SLC25A14: variants seen among roughly 807,000 people sequenced by gnomAD.
SLC25A14 encodes the protein solute carrier family 25 member 14, also known as brain mitochondrial carrier protein 1.
Under a neutral mutation model 28.1 loss-of-function variants are expected in SLC25A14, and 8 were observed. That is an observed-to-expected ratio of 0.28 (90% confidence interval 0.17 to 0.51). The LOEUF (loss-of-function observed/expected upper bound fraction) is 0.51, where lower values mean the gene tolerates loss of function less well. SLC25A14 is among the 20% of genes least tolerant of loss of function. SLC25A14 has a pLI of 0.97. For missense variants in SLC25A14, 135 were observed against 263.8 expected (o/e 0.51, Z 3.38); for synonymous variants, 74 against 90.6 (o/e 0.82, Z 1.04).
Position 130,373,037 on chromosome X carries a change from T to A in SLC25A14, c.*87T>A. 1 of 752,075 alleles carries A rather than the reference T, an allele frequency of 1.3e-6. No individual in the cohort carries two copies. Among genetic ancestry groups the A allele is most frequent in the Non-Finnish European group, 2.0e-6 (1 of 503,386 alleles). The allele number at this position is 752,075 out of a possible 1,213,427, so 62.0% of individuals were successfully genotyped here. ...GTTCTAATGTATTTTGACAATGTTG[T>A]AAGTGTTTACCAAGCCGTTGGTCTC... On this transcript the variant is annotated 3_prime_UTR_variant, in exon 11 of 11. Coordinates refer to ENST00000545805, the MANE Select transcript of SLC25A14 (RefSeq NM_001282195.2).
intron 2 of SLC25A14, among the ~76,000 whole-genome samples, chrX:130,343,873 C>A (rs1298985294): frequency 1.8e-5 from 2 of 111,899 alleles, no homozygotes; most frequent in East Asian, 2.8e-4. Flanking sequence ...ATTATTAGTT[C>A]CATTTTACAG....
chrX:130,372,900 ACTC>A lies in SLC25A14; in HGVS notation c.937-5_937-3del, dbSNP rs1175347758. ...TCAACCTGGTGATCTTCCTTGACTT[ACTC>A]CTCAGTTTTTTATTACATACGAGCA... On this transcript the variant is annotated splice_polypyrimidine_tract_variant and splice_region_variant and intron_variant, in intron 10 of 10. Coordinates refer to ENST00000545805, the MANE Select transcript of SLC25A14 (RefSeq NM_001282195.2). 6 of 1,163,545 alleles carry A rather than the reference ACTC, an allele frequency of 5.2e-6. No individual in the cohort carries two copies. In the South Asian group the frequency reaches 5.6e-5, roughly 11 times the overall value.
chrX:130,372,054 C>T (rs1305093669), intron 10 of SLC25A14, among the ~76,000 whole-genome samples: 1 of 112,029 alleles, frequency 8.9e-6, no homozygotes, highest in Non-Finnish European at 1.9e-5. Context: ...CACAGCCAAG[C>T]AGGCTTCTTT....
chrX:130,367,755 G>A (rs1355260914), intron 9 of SLC25A14, among the ~76,000 whole-genome samples: 1 of 112,290 alleles, frequency 8.9e-6, no homozygotes, highest in African/African-American at 3.2e-5. Flanking sequence ...AATTACTGGT[G>A]TAGAGGGAAG....
intron 2 of SLC25A14, among the ~76,000 whole-genome samples, chrX:130,341,914 T>C (rs2124742105): frequency 8.9e-6 from 1 of 111,986 alleles, no homozygotes; most frequent in African/African-American, 3.2e-5. Context: ...GATAGTGTCA[T>C]ACACAGGGTG....
At chrX:130,354,886 T>C (rs151103091) in intron 6 of SLC25A14, among the ~76,000 whole-genome samples, 90 of 112,236 alleles carry the variant, frequency 8.0e-4, no homozygotes, top group African/African-American at 2.5e-3. Flanking sequence ...GTCTGTATAG[T>C]TGAAGTTGGA....
chrX:130,357,683 C>T (rs1391291010), intron 6 of SLC25A14, among the ~76,000 whole-genome samples: 1 of 111,898 alleles, frequency 8.9e-6, no homozygotes, highest in African/African-American at 3.2e-5. Flanking sequence ...TTGTTGAAAC[C>T]TAGAATGGTA....
At position 130,365,019 on chromosome X, in the gene SLC25A14, C is replaced by T. The variant is rs977953511; in HGVS notation, c.719+267C>T. The stretch of plus-strand genomic sequence containing the variant: ...ATTTACATTTATCCATACATAGCTT[C>T]TATATCTAATAAGCACATCTATTAT... On this transcript the variant is annotated intron_variant, in intron 8 of 10. Coordinates refer to ENST00000545805, the MANE Select transcript of SLC25A14 (RefSeq NM_001282195.2). 5.0e-6 allele frequency: 4 copies of T among 803,114 alleles called. No individual in the cohort carries two copies. In the African/African-American group the frequency reaches 6.8e-5, roughly 14 times the overall value. The allele number at this position is 803,114 out of a possible 1,213,427, so 66.2% of individuals were successfully genotyped here.
chrX:130,349,001 T>C (rs1171901973), intron 4 of SLC25A14, among the ~76,000 whole-genome samples: 1 of 110,530 alleles, frequency 9.0e-6, no homozygotes, highest in Non-Finnish European at 1.9e-5. Flanking sequence ...ATTTTTCTTA[T>C]TGATTTCTGG....
At chrX:130,357,843 A>G (rs2033840429) in intron 6 of SLC25A14, among the ~76,000 whole-genome samples, 1 of 112,233 alleles carries the variant, frequency 8.9e-6, no homozygotes, top group Admixed American at 9.5e-5. Flanking sequence ...TGCAGCTCTC[A>G]AAGGCCACTT....
chrX:130,350,228 A>G lies in SLC25A14; in HGVS notation c.413-418A>G, dbSNP rs1315896582. Among the ~76,000 whole-genome samples, 23 of 111,812 alleles carry G rather than the reference A, an allele frequency of 2.1e-4. No individual in the cohort carries two copies. The Admixed American group carries it at 2.2e-3, about 11-fold the overall frequency. On this transcript the variant is annotated intron_variant, in intron 5 of 10. Coordinates refer to ENST00000545805, the MANE Select transcript of SLC25A14 (RefSeq NM_001282195.2). ...ATTAATATTCAAATAAGTTTTTTGT[A>G]TTAGACGTAAGATTTTCTCTTTTAA... is the stretch of plus-strand genomic sequence containing the variant.
intron 9 of SLC25A14, among the ~76,000 whole-genome samples, chrX:130,367,315 G>T (rs5977247): frequency 9.1e-6 from 1 of 110,298 alleles, no homozygotes; most frequent in African/African-American, 3.3e-5. Flanking sequence ...GGATGTGGAG[G>T]GGTGTGGGAG....
At chrX:130,365,715 T>C (rs1485110039) in intron 9 of SLC25A14, 39 bp downstream of exon 9, 9 of 1,030,708 alleles carry the variant, frequency 8.7e-6, no homozygotes, top group Non-Finnish European at 8.2e-6. Flanking sequence ...TTTGGCTTTC[T>C]TTGATGTCTT....
chrX:130,360,894 G>A (rs1199424692), intron 7 of SLC25A14, among the ~76,000 whole-genome samples: 1 of 111,234 alleles, frequency 9.0e-6, no homozygotes, highest in Non-Finnish European at 1.9e-5. Flanking sequence ...AACTCTTTAG[G>A]TCTTATCAAA....
intron 6 of SLC25A14, among the ~76,000 whole-genome samples, chrX:130,358,196 T>A (rs1306358176): frequency 8.9e-6 from 1 of 112,326 alleles, no homozygotes; most frequent in East Asian, 2.8e-4. Flanking sequence ...TCTTTCAGTG[T>A]CAGCAAATAC....
At chrX:130,372,208 G>A (rs1282055293) in intron 10 of SLC25A14, among the ~76,000 whole-genome samples, 1 of 111,756 alleles carries the variant, frequency 8.9e-6, no homozygotes, top group Non-Finnish European at 1.9e-5. Flanking sequence ...TGTGGGGTCT[G>A]TAGACAGAGA....
At chrX:130,345,888 G>A (rs6529422) in intron 3 of SLC25A14, among the ~76,000 whole-genome samples, 38,870 of 109,860 alleles carry the variant, frequency 0.35, 5,392 homozygotes, top group Non-Finnish European at 0.44. Flanking sequence ...AATATATTTT[G>A]TCAATGTGAT....
At chrX:130,369,443 T>C (rs750535142) in intron 9 of SLC25A14, among the ~76,000 whole-genome samples, 1 of 112,688 alleles carries the variant, frequency 8.9e-6, no homozygotes, top group African/African-American at 3.2e-5. Context: ...AGCTAGTTTC[T>C]AATCTCTTGG....
chrX:130,353,380 T>TCCAGA (rs2033679707), intron 6 of SLC25A14, among the ~76,000 whole-genome samples: 1 of 111,678 alleles, frequency 9.0e-6, no homozygotes, highest in Admixed American at 9.4e-5. Flanking sequence ...GTAGTGGTTT[T>TCCAGA]CCAGACCAGA....
Sources: gnomAD v4.1 joint callset for allele counts (sites outside exome capture counted in the v4.1 genomes callset) on GRCh38, gnomAD v4.1.1 for gene constraint, MANE v1.5 for transcripts, NCBI Gene and HGNC (gene_info 2026-07-23, HGNC 2026-07-21) for gene names.